MSANTD7: variants seen among roughly 807,000 people sequenced by gnomAD.
MSANTD7 encodes Myb/SANT DNA binding domain containing 7.
chr10:14,845,132 C>G, the MSANTD7 span: 259 of 985,110 alleles, frequency 2.6e-4, 1 homozygote, highest in African/African-American at 4.2e-3. Flanking sequence ...ACCCCAGACA[C>G]ACACTGGGGA....
the MSANTD7 span, chr10:14,842,664 C>G: frequency 1.3e-6 from 2 of 1,536,126 alleles, no homozygotes; most frequent in Non-Finnish European, 1.7e-6. This position sits in a 1 kb window ranked among gnomAD's most constrained non-coding sequence, Gnocchi z 5.2. Flanking sequence ...AACTTAGTGG[C>G]CTCTGACGCC....
chr10:14,843,524 C>T, the MSANTD7 span: 3 of 1,550,570 alleles, frequency 1.9e-6, no homozygotes, highest in Non-Finnish European at 1.7e-6. Context: ...GGGGTAGCCT[C>T]CACACCGCAG....
chr10:14,838,580 C>A, the MSANTD7 span: 1 of 968,632 alleles, frequency 1.0e-6, no homozygotes. Context: ...AGTGGCGTTG[C>A]CGCGAGGACA....
chr10:14,843,503 G>A, the MSANTD7 span: 20 of 1,550,510 alleles, frequency 1.3e-5, no homozygotes, highest in South Asian at 1.4e-4. Context: ...AGCACCAACC[G>A]CAGCACTCCT....
the MSANTD7 span, chr10:14,844,295 A>G: frequency 9.1e-7 from 1 of 1,096,272 alleles, no homozygotes; most frequent in Non-Finnish European, 1.1e-6. Flanking sequence ...TTAAAAGTTT[A>G]AAAGCACTGT....
chr10:14,838,584 G>A, the MSANTD7 span: 3 of 941,754 alleles, frequency 3.2e-6, no homozygotes, highest in Non-Finnish European at 4.6e-6. Context: ...GCGTTGCCGC[G>A]AGGACACTCC....
the MSANTD7 span, chr10:14,838,487 C>T: frequency 6.3e-7 from 1 of 1,575,664 alleles, no homozygotes. Flanking sequence ...TGGGCTAGGG[C>T]TTCATGACGG....
chr10:14,844,519 A>T, the MSANTD7 span: 2 of 987,240 alleles, frequency 2.0e-6, no homozygotes, highest in African/African-American at 3.5e-5. Flanking sequence ...TTGTACCTTA[A>T]TCTCTTACAT....
the MSANTD7 span, among the ~76,000 whole-genome samples, chr10:14,840,650 T>G: frequency 2.0e-5 from 3 of 152,236 alleles, no homozygotes; most frequent in Admixed American, 6.5e-5. Context: ...TAACGTCTTA[T>G]GTAAGAATCA....
At chr10:14,838,332 C>G in the MSANTD7 span, 1 of 1,466,648 alleles carries the variant, frequency 6.8e-7, no homozygotes, top group Non-Finnish European at 9.3e-7. Flanking sequence ...CCTGATGGGG[C>G]CGTTGGGCGG....
chr10:14,843,612 G>C, the MSANTD7 span: 5 of 1,550,610 alleles, frequency 3.2e-6, no homozygotes, highest in Non-Finnish European at 4.4e-6. Context: ...CTCCAAGGTG[G>C]GCAAGGCGAA....
the MSANTD7 span, chr10:14,846,636 G>C: frequency 1.2e-5 from 11 of 950,028 alleles, no homozygotes; most frequent in Non-Finnish European, 1.4e-5. Context: ...CATTTATAAA[G>C]TGGGAAACTC....
chr10:14,845,125 CCAGA>C, the MSANTD7 span: 16 of 985,284 alleles, frequency 1.6e-5, no homozygotes, highest in South Asian at 6.6e-4. Flanking sequence ...CCTCCACACC[CCAGA>C]CACACACTGG....
chr10:14,840,940 G>T, the MSANTD7 span, among the ~76,000 whole-genome samples: 1 of 152,072 alleles, frequency 6.6e-6, no homozygotes, highest in Non-Finnish European at 1.5e-5. Context: ...CATTATCCTA[G>T]GGGGTAAACT....
chr10:14,839,984 A>G, the MSANTD7 span: 1 of 1,609,834 alleles, frequency 6.2e-7, no homozygotes, highest in Non-Finnish European at 8.5e-7. Context: ...GAAAATGAAG[A>G]GGTACTAGTC....
At chr10:14,839,202 G>T in the MSANTD7 span, among the ~76,000 whole-genome samples, 1 of 152,232 alleles carries the variant, frequency 6.6e-6, no homozygotes, top group African/African-American at 2.4e-5. Context: ...GAACTCCGTT[G>T]CCACTAGTCC....
chr10:14,841,466 A>T, the MSANTD7 span, among the ~76,000 whole-genome samples: 1 of 152,180 alleles, frequency 6.6e-6, no homozygotes, highest in Admixed American at 6.5e-5. Flanking sequence ...CATCAAACAC[A>T]TTGCTGGATT....
At chr10:14,842,046 G>A in the MSANTD7 span, 2 of 942,102 alleles carry the variant, frequency 2.1e-6, no homozygotes. This position sits in a 1 kb window ranked among gnomAD's most constrained non-coding sequence, Gnocchi z 5.2. Context: ...GCCTGTTTAT[G>A]ACCTACTCAC....
chr10:14,842,874 G>A, the MSANTD7 span: 3 of 1,428,950 alleles, frequency 2.1e-6, no homozygotes, highest in Admixed American at 4.4e-5. This position sits in a 1 kb window ranked among gnomAD's most constrained non-coding sequence, Gnocchi z 5.2. Flanking sequence ...GAAGGAGTTG[G>A]GTCCCAGAGT....
Sources: allele counts gnomAD v4.1 joint callset (sites outside exome capture counted in the v4.1 genomes callset), GRCh38; gene constraint gnomAD v4.1.1; non-coding constraint Gnocchi (gnomAD v3.1); transcripts MANE v1.5; gene names NCBI Gene and HGNC (gene_info 2026-07-23, HGNC 2026-07-21).